Variants in SGCZ observed in about 807,000 individuals in gnomAD.
SGCZ encodes the protein sarcoglycan zeta.
A neutral mutation model predicts 41.3 loss-of-function variants in SGCZ; 40 were observed. That is an observed-to-expected ratio of 0.97 (90% CI 0.75 to 1.26). The LOEUF (loss-of-function observed/expected upper bound fraction) is 1.26, where lower values mean the gene tolerates loss of function less well. Among genes scored for constraint, SGCZ ranks in the 50% most tolerant of loss-of-function variants. SGCZ has a pLI of 0.00. For missense variants in SGCZ, 552 were observed against 369.8 expected (o/e 1.49, Z -4.04); for synonymous variants, 206 against 137.5 (o/e 1.50, Z -3.49).
chr8:14,313,148 G>A (rs1563251169), intron 3 of SGCZ, among the ~76,000 whole-genome samples: 1 of 152,120 alleles, frequency 6.6e-6, no homozygotes, highest in African/African-American at 2.4e-5. Context: ...GTATGCTAAT[G>A]TCTACTTCCT....
chr8:14,685,426 A>T (rs746576776), intron 1 of SGCZ, among the ~76,000 whole-genome samples: 2 of 152,116 alleles, frequency 1.3e-5, no homozygotes, highest in Admixed American at 6.6e-5. Context: ...AATTTTTCTA[A>T]ATTAACAACA....
chr8:14,994,880 A>G (rs1437892692), intron 1 of SGCZ, among the ~76,000 whole-genome samples: 8 of 152,176 alleles, frequency 5.3e-5, no homozygotes. Flanking sequence ...CCTCCCCAAA[A>G]TGCTCTCCAA....
At chr8:14,181,425 G>A (rs181474303) in intron 4 of SGCZ, among the ~76,000 whole-genome samples, 4 of 152,258 alleles carry the variant, frequency 2.6e-5, no homozygotes, top group African/African-American at 7.2e-5. Flanking sequence ...GACTCACTGG[G>A]GATTGCATCC....
At chr8:14,804,671 G>C (rs1045548368) in intron 1 of SGCZ, among the ~76,000 whole-genome samples, 1 of 139,774 alleles carries the variant, frequency 7.2e-6, no homozygotes, top group Non-Finnish European at 1.6e-5. Context: ...TATTATCCAG[G>C]AGAACTTCCC....
chr8:14,307,717 G>A (rs1323787617), intron 3 of SGCZ, among the ~76,000 whole-genome samples: 1 of 152,014 alleles, frequency 6.6e-6, no homozygotes, highest in African/African-American at 2.4e-5. Flanking sequence ...TATTAACAAA[G>A]TGGTGATTTT....
At chr8:14,660,920 A>C (rs1197051154) in intron 1 of SGCZ, among the ~76,000 whole-genome samples, 2 of 152,146 alleles carry the variant, frequency 1.3e-5, no homozygotes, top group African/African-American at 4.8e-5. Flanking sequence ...AATTTTGTTT[A>C]GGCTCAAATC....
At chr8:14,908,000 T>C (rs1034488050) in intron 1 of SGCZ, among the ~76,000 whole-genome samples, 12 of 152,180 alleles carry the variant, frequency 7.9e-5, no homozygotes. Flanking sequence ...GGTTGAATCA[T>C]GTGAAATTGG....
chr8:14,490,111 C>A (rs1801801057), intron 2 of SGCZ, among the ~76,000 whole-genome samples: 1 of 152,038 alleles, frequency 6.6e-6, no homozygotes, highest in South Asian at 2.1e-4. Flanking sequence ...TGTGATCCAC[C>A]CGCCTTGGCC....
At chr8:14,645,073 A>G (rs1049848560) in intron 1 of SGCZ, among the ~76,000 whole-genome samples, 9 of 151,692 alleles carry the variant, frequency 5.9e-5, no homozygotes, top group African/African-American at 2.2e-4. Context: ...AGGAATTTTT[A>G]TATTTGGCAA....
intron 1 of SGCZ, among the ~76,000 whole-genome samples, chr8:15,205,638 G>C (rs189359617): frequency 6.6e-6 from 1 of 151,966 alleles, no homozygotes. Flanking sequence ...AAAAGGGAAC[G>C]CGTATACACT....
Position 15,232,682 on chromosome 8 carries a change from T to TATATATGTGTGTGTATATATATAC in SGCZ, c.39+4902_39+4903insGTATATATATACACACACATATAT, listed in dbSNP as rs1563198227. 1.6e-3 allele frequency among the ~76,000 whole-genome samples: 188 copies of TATATATGTGTGTGTATATATATAC among 114,688 alleles called. 10 individuals carry two copies. Among genetic ancestry groups the TATATATGTGTGTGTATATATATAC allele is most frequent in the South Asian group, 6.1e-3 (24 of 3,958 alleles). The allele number at this position is 114,688 out of a possible 152,430, so 75.2% of individuals were successfully genotyped here. On this transcript the variant is annotated intron_variant, in intron 1 of 7. Transcript: ENST00000382080. Reference sequence around the variant, plus strand: ...ATACATATATATGTGTGTGTATATATATATATATGTGTGTATATATATACA... The same window carrying TATATATGTGTGTGTATATATATAC: ...ATACATATATATGTGTGTGTATATATATATATGTGTGTGTATATATATACATATATATGTGTGTATATATATACA...
chr8:14,435,553 G>C (rs1479866810), intron 2 of SGCZ, among the ~76,000 whole-genome samples: 1 of 152,038 alleles, frequency 6.6e-6, no homozygotes, highest in Non-Finnish European at 1.5e-5. Flanking sequence ...TTTCAATAAA[G>C]CAACTTCTGA....
At chr8:14,624,555 ATTTTTTTTTTTTT>A (rs750064815) in intron 1 of SGCZ, among the ~76,000 whole-genome samples, 3 of 96,268 alleles carry the variant, frequency 3.1e-5, no homozygotes. Context: ...TATTATTATT[ATTTTTTTTTTTTT>A]TTTTTTTTTT....
intron 3 of SGCZ, among the ~76,000 whole-genome samples, chr8:14,316,963 A>G (rs1003049226): frequency 1.7e-4 from 26 of 151,876 alleles, no homozygotes; most frequent in Non-Finnish European, 3.5e-4. Flanking sequence ...CCCCACCCCT[A>G]CATTCCCAAT....
chr8:14,772,221 T>C (rs1445242991), intron 1 of SGCZ, among the ~76,000 whole-genome samples: 1 of 152,150 alleles, frequency 6.6e-6, no homozygotes, highest in Non-Finnish European at 1.5e-5. Context: ...CAAGCTAAAA[T>C]GTTTGAGATG....
intron 2 of SGCZ, among the ~76,000 whole-genome samples, chr8:14,398,202 G>A (rs76993857): frequency 0.024 from 3,621 of 152,178 alleles, 147 homozygotes; most frequent in African/African-American, 0.081. Flanking sequence ...TAATGACACC[G>A]CTGTTTCTCT....
At chr8:14,771,217 G>C (rs964651549) in intron 1 of SGCZ, among the ~76,000 whole-genome samples, 1 of 152,124 alleles carries the variant, frequency 6.6e-6, no homozygotes, top group African/African-American at 2.4e-5. Context: ...TTTATTGATA[G>C]TGATCACCAA....
At chr8:14,298,849 T>C (rs118065538) in intron 3 of SGCZ, among the ~76,000 whole-genome samples, 2,412 of 152,032 alleles carry the variant, frequency 0.016, 36 homozygotes, top group Non-Finnish European at 0.02. Flanking sequence ...ATCAACATTT[T>C]TATATGGAAC....
intron 5 of SGCZ, among the ~76,000 whole-genome samples, chr8:14,161,952 G>GGA (rs1348405569): frequency 6.6e-6 from 1 of 151,912 alleles, no homozygotes; most frequent in African/African-American, 2.4e-5. Context: ...GAGGAAGAAG[G>GGA]GAGAGAGAGA....
Sources: allele counts gnomAD v4.1 joint callset (sites outside exome capture counted in the v4.1 genomes callset), GRCh38; gene constraint gnomAD v4.1.1; transcripts MANE v1.5; gene names NCBI Gene and HGNC (gene_info 2026-07-23, HGNC 2026-07-21).